STK38: variants seen among roughly 807,000 people sequenced by gnomAD.
STK38 encodes serine/threonine-protein kinase 38.
STK38 carries 26 observed loss-of-function variants against 59.0 expected under a neutral mutation model. That is an observed-to-expected ratio of 0.44 (90% CI 0.32 to 0.61). The LOEUF (loss-of-function observed/expected upper bound fraction) is 0.61. STK38 is among the 20% of genes least tolerant of loss of function. The pLI is 0.04. For synonymous variants in STK38, 175 were observed against 176.6 expected, an observed-to-expected ratio of 0.99 and a Z score of 0.07; for missense variants, 433 against 566.0, an observed-to-expected ratio of 0.76 and a Z score of 2.38.
In STK38 at chr6:36,535,914, T is replaced by C. The variant is rs984841952; in HGVS notation, c.131+4158A>G. On this transcript the variant is annotated intron_variant, in intron 2 of 13. Transcript: ENST00000229812. ...AAAAGCAACATAATTCCATTGGGCT[T>C]TTCCGTAGAAATTAATAACTTGACT... is the stretch of plus-strand genomic sequence containing the variant. Among the ~76,000 whole-genome samples the C allele has an allele frequency of 3.3e-5, 5 of 151,218 alleles. No individual in the cohort carries two copies. The East Asian group carries it at 9.6e-4, about 29-fold the overall frequency.
rs965164969 is a variant in STK38, at chr6:36,517,626, T to C, written c.514+91A>G. On this transcript the variant is annotated intron_variant, in intron 6 of 13. Coordinates refer to ENST00000229812, the MANE Select transcript of STK38 (RefSeq NM_007271.4). ...TATAGAAAGCAACTTTGTGAGCACA[T>C]TTAAAAGTAGAAAGGAGGGTTAATC... is the stretch of plus-strand genomic sequence containing the variant. 11 of 1,524,188 alleles carry C rather than the reference T, an allele frequency of 7.2e-6. No homozygotes were observed. The East Asian group carries it at 2.3e-4, about 31-fold the overall frequency. The allele number at this position is 1,524,188 out of a possible 1,614,324, so 94.4% of individuals were successfully genotyped here.
chr6:36,517,421 G>A (rs1373009006), intron 6 of STK38, among the ~76,000 whole-genome samples: 1 of 152,072 alleles, frequency 6.6e-6, no homozygotes, highest in Non-Finnish European at 1.5e-5. Context: ...CCATTGACAG[G>A]AGAGCAGGCA....
chr6:36,538,396 G>A (rs1777849470), intron 2 of STK38, among the ~76,000 whole-genome samples: 1 of 152,136 alleles, frequency 6.6e-6, no homozygotes, highest in Non-Finnish European at 1.5e-5. Flanking sequence ...TTTTCTGGGA[G>A]ACGTAATGTT....
intron 7 of STK38, among the ~76,000 whole-genome samples, chr6:36,513,317 CTT>C (rs775876993): frequency 8.5e-5 from 10 of 117,892 alleles, no homozygotes; most frequent in South Asian, 2.7e-4. Flanking sequence ...TGCGTCTGGC[CTT>C]TTTTTTTTTT....
At chr6:36,514,444 C>G (rs1315182875) in intron 7 of STK38, among the ~76,000 whole-genome samples, 1 of 151,966 alleles carries the variant, frequency 6.6e-6, no homozygotes, top group African/African-American at 2.4e-5. Context: ...GTCAAGACAA[C>G]AAGTCTGCTT....
In STK38 at chr6:36,531,814, T is replaced by C. The variant is rs79721937; in HGVS notation, c.132-6172A>G. ...GTTTACACAGGAAACAATTCCCAAA[T>C]GAATTTTATTCTTTCTTCTATCTCT... On this transcript the variant is annotated intron_variant, in intron 2 of 13. Coordinates refer to ENST00000229812, the MANE Select transcript of STK38 (RefSeq NM_007271.4). 3.1e-3 allele frequency among the ~76,000 whole-genome samples: 475 copies of C among 152,322 alleles called. 2 individuals are homozygous for C. Among genetic ancestry groups the C allele is most frequent in the African/African-American group, 0.01 (433 of 41,574 alleles).
At chr6:36,546,828 A>AT (rs1451369618) in intron 1 of STK38, among the ~76,000 whole-genome samples, 1 of 152,176 alleles carries the variant, frequency 6.6e-6, no homozygotes, top group Non-Finnish European at 1.5e-5. Context: ...GGAAAAGGAG[A>AT]TAAAAACCGG....
intron 9 of STK38, among the ~76,000 whole-genome samples, chr6:36,500,863 A>G (rs748048313): frequency 2.7e-4 from 41 of 152,262 alleles, no homozygotes; most frequent in Non-Finnish European, 4.3e-4. Context: ...AAGGGAAGCT[A>G]TATGATCAAA....
chr6:36,526,437 C>T (rs771141686), intron 2 of STK38, among the ~76,000 whole-genome samples: 2 of 152,064 alleles, frequency 1.3e-5, no homozygotes, highest in Non-Finnish European at 1.5e-5. Flanking sequence ...AAAAAGTGAT[C>T]AAAAAGGTGA....
chr6:36,497,689 A>C, intron 12 of STK38, 91 bp downstream of exon 12: 1 of 1,002,152 alleles, frequency 1.0e-6, no homozygotes, highest in Non-Finnish European at 1.5e-6. Context: ...CTCTTCCCTT[A>C]CTTGGCTTGC....
intron 8 of STK38, 39 bp from the exon 9 acceptor site, chr6:36,506,683 C>G: frequency 1.3e-6 from 2 of 1,591,724 alleles, no homozygotes; most frequent in South Asian, 1.1e-5. Context: ...AAAGTTCAGA[C>G]CAAAATGTTT....
At chr6:36,496,188 C>T (rs1000581893) in intron 13 of STK38, among the ~76,000 whole-genome samples, 2 of 151,814 alleles carry the variant, frequency 1.3e-5, no homozygotes, top group African/African-American at 4.8e-5. Context: ...GGACTACAGG[C>T]GTGTGCCACC....
At chr6:36,527,306 A>G (rs1777552036) in intron 2 of STK38, among the ~76,000 whole-genome samples, 1 of 136,140 alleles carries the variant, frequency 7.3e-6, no homozygotes, top group Non-Finnish European at 1.6e-5. Flanking sequence ...ATATGTATAT[A>G]CGTATATATA....
At chr6:36,496,340 CCTCA>C (rs956561454) in intron 13 of STK38, among the ~76,000 whole-genome samples, 2 of 152,154 alleles carry the variant, frequency 1.3e-5, no homozygotes, top group African/African-American at 2.4e-5. Context: ...CCGCGCCTGG[CCTCA>C]CTCTATGAAT....
intron 9 of STK38, 128 bp downstream of exon 9, chr6:36,506,453 ACT>A (rs1457608284): frequency 7.9e-6 from 7 of 883,676 alleles, no homozygotes; most frequent in Non-Finnish European, 1.2e-5. Flanking sequence ...TAACAACAGC[ACT>A]CTCTTTAGGT....
At chr6:36,541,556 T>G (rs1777937940) in intron 1 of STK38, among the ~76,000 whole-genome samples, 1 of 152,128 alleles carries the variant, frequency 6.6e-6, no homozygotes, top group South Asian at 2.1e-4. Flanking sequence ...CACAATAGAA[T>G]TAATTCAGTA....
intron 2 of STK38, among the ~76,000 whole-genome samples, chr6:36,532,307 CATAAAAAAA>C (rs1777684154): frequency 9.7e-6 from 1 of 103,558 alleles, no homozygotes; most frequent in Admixed American, 1.1e-4. Flanking sequence ...ACCTTGTCTG[CATAAAAAAA>C]AAAAAAAAAA....
At chr6:36,506,106 A>C (rs1776956276) in intron 9 of STK38, among the ~76,000 whole-genome samples, 1 of 152,164 alleles carries the variant, frequency 6.6e-6, no homozygotes, top group African/African-American at 2.4e-5. Context: ...CAATCTTTAT[A>C]AGTAAGTTCT....
At chr6:36,497,002 TA>T (rs1561969935) in intron 12 of STK38, among the ~76,000 whole-genome samples, 197 bp from the exon 13 acceptor site, 1 of 152,150 alleles carries the variant, frequency 6.6e-6, no homozygotes, top group Non-Finnish European at 1.5e-5. Context: ...ATTATGATTT[TA>T]AAAAAATAAC....
Sources: gnomAD v4.1 joint callset for allele counts (sites outside exome capture counted in the v4.1 genomes callset) on GRCh38, gnomAD v4.1.1 for gene constraint, MANE v1.5 for transcripts, NCBI Gene and HGNC (gene_info 2026-07-23, HGNC 2026-07-21) for gene names.